Variants in PPP1R3A observed in about 807,000 individuals in gnomAD.
PPP1R3A encodes protein phosphatase 1 regulatory subunit 3A, also known as RG1.
In PPP1R3A, 29 loss-of-function variants were observed where a neutral mutation model predicts 41.7. The observed-to-expected ratio is 0.70, with a 90% CI of 0.52 to 0.95. PPP1R3A has a LOEUF of 0.95. Among genes scored for constraint, PPP1R3A ranks in the 40% least tolerant of loss-of-function variants. The pLI, the probability that PPP1R3A is intolerant of heterozygous loss-of-function variation, is 0.00. For missense variants in PPP1R3A, 1,352 were observed against 1,292.4 expected (o/e 1.05, Z -0.71); for synonymous variants, 485 against 453.4 (o/e 1.07, Z -0.89).
intron 1 of PPP1R3A, among the ~76,000 whole-genome samples, chr7:113,916,617 A>T (rs1417432719): frequency 6.6e-6 from 1 of 152,082 alleles, no homozygotes; most frequent in East Asian, 1.9e-4. Flanking sequence ...CTTTTAGACA[A>T]TAATGCTGCG....
At chr7:113,896,322 A>G (rs1796974615) in intron 1 of PPP1R3A, among the ~76,000 whole-genome samples, 1 of 151,860 alleles carries the variant, frequency 6.6e-6, no homozygotes, top group South Asian at 2.1e-4. Flanking sequence ...ACCGCTTCAC[A>G]TTCAGAGAAC....
At chr7:113,904,996 T>TAC (rs781144223) in intron 1 of PPP1R3A, among the ~76,000 whole-genome samples, 2 of 151,630 alleles carry the variant, frequency 1.3e-5, no homozygotes, top group Non-Finnish European at 3.0e-5. Flanking sequence ...ATAAAATACT[T>TAC]ACAAACACCA....
At chr7:113,908,864 T>A (rs888659222) in intron 1 of PPP1R3A, among the ~76,000 whole-genome samples, 1 of 151,940 alleles carries the variant, frequency 6.6e-6, no homozygotes, top group Non-Finnish European at 1.5e-5. Flanking sequence ...CTGGAGGCCA[T>A]TATCCTAAGT....
Position 113,877,967 on chromosome 7 carries a change from C to T in PPP1R3A, c.3125G>A (p.Gly1042Asp). 2 of 1,613,316 alleles carry T rather than the reference C, an allele frequency of 1.2e-6. No individual in the cohort carries two copies. The highest frequency in any genetic ancestry group is 1.7e-6 in the Non-Finnish European group (2 of 1,179,610). ...AGCAGAGCTGTCAGATTCCTTTTCA[C>T]CTGAAGTGTATAGTGATTGCCCAGA... Reference protein sequence around the residue: ...VSSGQSLYTSGEKESDSSAST... With the variant: ...VSSGQSLYTSDEKESDSSAST... Residue 1042 changes from glycine (G) to aspartate (D), a missense_variant, in exon 4 of 4, where the codon GGT becomes GAT. By Grantham distance (94) the Gly-to-Asp change is moderately conservative (BLOSUM62 -1). Coordinates refer to ENST00000284601, the MANE Select transcript of PPP1R3A (RefSeq NM_002711.4).
At chr7:113,911,211 C>G (rs1797238784) in intron 1 of PPP1R3A, among the ~76,000 whole-genome samples, 1 of 151,994 alleles carries the variant, frequency 6.6e-6, no homozygotes, top group African/African-American at 2.4e-5. Context: ...GATCTTTAAA[C>G]AGCAGGATGG....
At chr7:113,915,897 G>C (rs1797334731) in intron 1 of PPP1R3A, among the ~76,000 whole-genome samples, 1 of 151,940 alleles carries the variant, frequency 6.6e-6, no homozygotes, top group Non-Finnish European at 1.5e-5. Context: ...TATTCATTTA[G>C]AAATTTGATA....
chr7:113,918,214 C>CATATAT lies in PPP1R3A; in HGVS notation c.782_782+1insATATAT (p.Ser261delinsArgTyrIle). On this transcript the variant is annotated protein_altering_variant and splice_region_variant. Transcript: ENST00000284601. ...ATAAAATATGTAAGATATATCCTCACCTTGATTTTACCTTTAAGCAGCCTT... is the reference window on the plus strand; with the variant it reads ...ATAAAATATGTAAGATATATCCTCACATATATCTTGATTTTACCTTTAAGCAGCCTT... 1 of 1,596,214 alleles carries CATATAT rather than the reference C, an allele frequency of 6.3e-7. No individual in the cohort carries two copies. The highest frequency in any genetic ancestry group is 8.5e-7 in the Non-Finnish European group (1 of 1,173,628).
At chr7:113,883,917 C>G (rs943929980) in intron 1 of PPP1R3A, among the ~76,000 whole-genome samples, 4 of 151,892 alleles carry the variant, frequency 2.6e-5, no homozygotes, top group African/African-American at 9.7e-5. Context: ...CCTGCTTTAA[C>G]TTATTTGGGG....
chr7:113,893,696 C>T (rs1037217655), intron 1 of PPP1R3A, among the ~76,000 whole-genome samples: 4 of 151,792 alleles, frequency 2.6e-5, no homozygotes, highest in African/African-American at 9.7e-5. Flanking sequence ...ATGTTTGTGA[C>T]CAGATTGTTT....
chr7:113,892,597 G>T (rs556866463), intron 1 of PPP1R3A, among the ~76,000 whole-genome samples: 1 of 152,120 alleles, frequency 6.6e-6, no homozygotes, highest in East Asian at 1.9e-4. Flanking sequence ...AACCAAAAGT[G>T]GAAGAGGAAC....
At chr7:113,893,564 A>G (rs1224902605) in intron 1 of PPP1R3A, among the ~76,000 whole-genome samples, 2 of 152,026 alleles carry the variant, frequency 1.3e-5, no homozygotes, top group African/African-American at 4.8e-5. Context: ...CATCGAATAT[A>G]CCTATTATAT....
chr7:113,898,987 T>C (rs1413577712), intron 1 of PPP1R3A, among the ~76,000 whole-genome samples: 1 of 151,854 alleles, frequency 6.6e-6, no homozygotes, highest in Non-Finnish European at 1.5e-5. Context: ...ATAGGGTCTC[T>C]ATTTCCCAGT....
At chr7:113,901,273 C>T (rs1206546289) in intron 1 of PPP1R3A, among the ~76,000 whole-genome samples, 1 of 151,568 alleles carries the variant, frequency 6.6e-6, no homozygotes, top group Non-Finnish European at 1.5e-5. Context: ...AAATAGACGG[C>T]GAAGGTCCAT....
intron 1 of PPP1R3A, among the ~76,000 whole-genome samples, chr7:113,911,502 G>C (rs2129120675): frequency 6.6e-6 from 1 of 152,190 alleles, no homozygotes; most frequent in East Asian, 1.9e-4. Context: ...TAGGCATAAA[G>C]AGATAATAAG....
Position 113,909,833 on chromosome 7 carries a change from G to T in PPP1R3A, c.782+8382C>A, listed in dbSNP as rs530022706. ...GACTAAAGACAGAACAACGTAAGTGGCTACATTAAAGTCATGGAACTTTTC... is the reference window on the plus strand; with the variant it reads ...GACTAAAGACAGAACAACGTAAGTGTCTACATTAAAGTCATGGAACTTTTC... On this transcript the variant is annotated intron_variant, in intron 1 of 3. Transcript: ENST00000284601. 4.6e-5 allele frequency among the ~76,000 whole-genome samples: 7 copies of T among 152,162 alleles called. No individual in the cohort carries two copies. The East Asian group carries it at 5.8e-4, about 13-fold the overall frequency.
chr7:113,896,499 A>G (rs918566039), intron 1 of PPP1R3A, among the ~76,000 whole-genome samples: 9 of 151,862 alleles, frequency 5.9e-5, no homozygotes, highest in Admixed American at 5.9e-4. Flanking sequence ...ATTTTTCTCC[A>G]ATGTGAAATT....
rs1418546233 is a variant in PPP1R3A at position 113,878,811 on chromosome 7, G to C, written c.2281C>G (p.Arg761Gly). The C allele has an allele frequency of 6.2e-7, 1 of 1,613,506 alleles. No individual in the cohort carries two copies. Among genetic ancestry groups the C allele is most frequent in the Non-Finnish European group, 8.5e-7 (1 of 1,179,754 alleles). Residue 761 changes from arginine (R) to glycine (G), a missense_variant, in exon 4 of 4, where the codon CGA becomes GGA. By Grantham distance (125) the Arg-to-Gly change is moderately radical. Transcript: ENST00000284601. ...IIAKLPQETA[R>G]SDRPIEVKET... The stretch of plus-strand genomic sequence containing the variant: ...TTTACCTCGATGGGCCTGTCACTTC[G>C]TGCTGTCTCTTGAGGTAGCTTAGCA...
chr7:113,884,872 C>T (rs564493966), intron 1 of PPP1R3A, among the ~76,000 whole-genome samples: 63 of 151,614 alleles, frequency 4.2e-4, no homozygotes, highest in Non-Finnish European at 8.5e-4. Context: ...TGTAGGGGGG[C>T]AAGGGTGCAG....
chr7:113,879,380 G>A lies in PPP1R3A; in HGVS notation c.1712C>T (p.Ala571Val), dbSNP rs574846323. ...TGCTGTGATTGCCCGGGTGGGGATT[G>A]CGGTATGTTCGCTCAGCAGAGTAGC... ...DLATLLSEHT[A>V]IPTRAITADV... Residue 571 changes from alanine to valine, a missense_variant, in exon 4 of 4, where the codon GCA (alanine) becomes GTA (valine). Ala to Val is a moderately conservative substitution (Grantham distance 64, BLOSUM62 0). Transcript: ENST00000284601. 1.2e-5 allele frequency: 19 copies of A among 1,613,554 alleles called. No homozygotes were observed. The East Asian group carries it at 4.0e-4, about 34-fold the overall frequency.
Sources: allele counts gnomAD v4.1 joint callset (sites outside exome capture counted in the v4.1 genomes callset), GRCh38; gene constraint gnomAD v4.1.1; transcripts MANE v1.5; gene names NCBI Gene and HGNC (gene_info 2026-07-23, HGNC 2026-07-21).